CHST1: variants seen among roughly 807,000 people sequenced by gnomAD.
The protein encoded by CHST1 is Keratan sulfotransferase.
In CHST1, 10 loss-of-function variants were observed where a neutral mutation model predicts 22.5. The ratio of observed to expected loss-of-function variants is 0.44; its 90% CI spans 0.27 to 0.75. The LOEUF is 0.75. Among genes scored for constraint, CHST1 ranks in the 30% least tolerant of loss-of-function variants. CHST1 has a pLI of 0.15. For synonymous variants in CHST1, 267 were observed against 264.5 expected (o/e 1.01, Z -0.09); for missense variants, 439 against 576.1 (o/e 0.76, Z 2.44).
At chr11:45,654,564 C>A (rs1852037147) in intron 1 of CHST1, among the ~76,000 whole-genome samples, 1 of 152,256 alleles carries the variant, frequency 6.6e-6, no homozygotes, top group Non-Finnish European at 1.5e-5. Flanking sequence ...GGGCCAGGTC[C>A]TGTTGTTCCC....
chr11:45,653,444 C>G (rs1161925715), intron 1 of CHST1, among the ~76,000 whole-genome samples: 1 of 152,212 alleles, frequency 6.6e-6, no homozygotes, highest in Admixed American at 6.5e-5. Context: ...CCACCCCGAC[C>G]TCATCCCATA....
In CHST1 at chr11:45,649,943, G is replaced by C; in HGVS notation, c.981C>G (p.His327Gln). The C allele has an allele frequency of 1.2e-6, 2 of 1,613,358 alleles. No individual in the cohort carries two copies. The highest frequency in any genetic ancestry group is 1.7e-6 in the Non-Finnish European group (2 of 1,180,022). The part of the protein sequence containing the change: ...YGFLGIPLDS[H>Q]VARWIQNNTR... ...TGTTGTTCTGGATCCAGCGGGCCAC[G>C]TGGCTGTCCAGCGGGATGCCCAGGA... is the stretch of plus-strand genomic sequence containing the variant. Residue 327 changes from histidine (H) to glutamine (Q), a missense_variant, in exon 4 of 4, where the codon CAC (histidine) becomes CAG (glutamine). Coordinates refer to ENST00000308064, the MANE Select transcript of CHST1 (RefSeq NM_003654.6).
chr11:45,661,149 AT>A (rs1347434032), intron 1 of CHST1, among the ~76,000 whole-genome samples: 17 of 152,338 alleles, frequency 1.1e-4, no homozygotes, highest in Admixed American at 9.8e-4. Flanking sequence ...GCCTCGAGTA[AT>A]CTTACAAAAT....
Position 45,650,387 on chromosome 11 carries a change from C to G in CHST1, c.537G>C (p.Gly179=). The change falls in exon 4 of 4, where the codon GGG becomes GGC. Residue 179 remains glycine, a synonymous_variant. Transcript: ENST00000308064. Reference sequence around the variant, plus strand: ...GTAGCCCGCACTTGCGCACACAGTCCCCCTCCTCCAGGACCAGGTCGGCTG... The same window carrying G: ...GTAGCCCGCACTTGCGCACACAGTCGCCCTCCTCCAGGACCAGGTCGGCTG... ...PGPADLVLEE[G]DCVRKCGLLN... 1 of 1,604,536 alleles carries G rather than the reference C, an allele frequency of 6.2e-7. No individual in the cohort carries two copies. Among genetic ancestry groups the G allele is most frequent in the Non-Finnish European group, 8.5e-7 (1 of 1,179,734 alleles).
At chr11:45,659,140 G>A (rs1338912625) in intron 1 of CHST1, among the ~76,000 whole-genome samples, 1 of 152,174 alleles carries the variant, frequency 6.6e-6, no homozygotes, top group Non-Finnish European at 1.5e-5. Context: ...CTTCTGTCAG[G>A]GGATGCATCC....
chr11:45,659,852 C>T (rs1852107398), intron 1 of CHST1, among the ~76,000 whole-genome samples: 1 of 152,208 alleles, frequency 6.6e-6, no homozygotes, highest in Admixed American at 6.5e-5. Context: ...AATGGGGCAT[C>T]GGGTTTGGGC....
Position 45,650,536 on chromosome 11 carries a change from A to C in CHST1, c.388T>G (p.Cys130Gly). 1 of 1,613,930 alleles carries C rather than the reference A, an allele frequency of 6.2e-7. No individual in the cohort carries two copies. The highest frequency in any genetic ancestry group is 8.5e-7 in the Non-Finnish European group (1 of 1,179,968). Residue 130 changes from cysteine (C) to glycine (G), a missense_variant, in exon 4 of 4, where the codon TGC becomes GGC. Cys to Gly is a radical substitution (Grantham distance 159, BLOSUM62 -3). Coordinates refer to ENST00000308064, the MANE Select transcript of CHST1 (RefSeq NM_003654.6). ...SRDLLRSLYD[C>G]DLYFLENYIK... ...TAGTTCTCCAGGAAGTAGAGGTCGC[A>C]GTCGTAGAGGCTCCGCAGGAGGTCG... is the stretch of plus-strand genomic sequence containing the variant.
chr11:45,664,900 C>A (rs974957439), intron 1 of CHST1, among the ~76,000 whole-genome samples: 2 of 152,206 alleles, frequency 1.3e-5, no homozygotes, highest in Non-Finnish European at 2.9e-5. Flanking sequence ...GGGAGCCAAG[C>A]GCCTCGGGGG....
chr11:45,658,262 A>G (rs1852087032), intron 1 of CHST1, among the ~76,000 whole-genome samples: 1 of 152,214 alleles, frequency 6.6e-6, no homozygotes, highest in South Asian at 2.1e-4. Context: ...AGAAACAATC[A>G]CAGAATCTTT....
intron 1 of CHST1, among the ~76,000 whole-genome samples, chr11:45,661,374 C>T (rs538651509): frequency 9.5e-4 from 145 of 152,264 alleles, no homozygotes; most frequent in Non-Finnish European, 1.5e-3. Context: ...GTAAACAGTC[C>T]GTTAATGAAA....
intron 1 of CHST1, among the ~76,000 whole-genome samples, chr11:45,658,280 T>C (rs1273043178): frequency 6.6e-6 from 1 of 152,170 alleles, no homozygotes; most frequent in Non-Finnish European, 1.5e-5. Context: ...TTTCTAATAT[T>C]TGGGCAGTGA....
At position 45,649,819 on chromosome 11, in the gene CHST1, C is replaced by T; in HGVS notation, c.1105G>A (p.Val369Met). Residue 369 changes from valine to methionine, a missense_variant, in exon 4 of 4, where the codon GTG becomes ATG. Physicochemically the swap from Val to Met is conservative, Grantham distance 21. Transcript: ENST00000308064. ...TGGCAGGCGTTCTGGGCAAAGGCCA[C>T]GATGTCGTAGGAGAGGCGGAAGCGC... The part of the protein sequence containing the change: ...KWRFRLSYDI[V>M]AFAQNACQQV... The T allele has an allele frequency of 6.2e-7, 1 of 1,611,764 alleles. No individual in the cohort carries two copies. The highest frequency in any genetic ancestry group is 8.5e-7 in the Non-Finnish European group (1 of 1,179,934).
chr11:45,659,026 C>T (rs572875938), intron 1 of CHST1, among the ~76,000 whole-genome samples: 52 of 152,120 alleles, frequency 3.4e-4, no homozygotes, highest in Admixed American at 2.0e-3. Context: ...CCCGTGGGGA[C>T]GAGGACTGGG....
At chr11:45,659,613 A>G (rs1287194826) in intron 1 of CHST1, among the ~76,000 whole-genome samples, 7 of 152,076 alleles carry the variant, frequency 4.6e-5, no homozygotes. Flanking sequence ...CAGCTGAACG[A>G]CAAGAATGAA....
At chr11:45,662,908 TC>T (rs1275598025) in intron 1 of CHST1, among the ~76,000 whole-genome samples, 1 of 152,028 alleles carries the variant, frequency 6.6e-6, no homozygotes, top group African/African-American at 2.4e-5. Context: ...TGCCCACCCC[TC>T]ACAGTCCCCA....
Position 45,662,638 on chromosome 11 carries a change from T to C in CHST1, c.-227+2540A>G, listed in dbSNP as rs1254377284. ...AGGAATGATGCTTTGGAACACTTAC[T>C]ATGGCACCATTCTAAGTGTGTCTCA... is the stretch of plus-strand genomic sequence containing the variant. On this transcript the variant is annotated intron_variant, in intron 1 of 3. Coordinates refer to ENST00000308064, the MANE Select transcript of CHST1 (RefSeq NM_003654.6). Among the ~76,000 whole-genome samples, 4 of 152,330 alleles carry C rather than the reference T, an allele frequency of 2.6e-5. No individual in the cohort carries two copies. The East Asian group carries it at 7.7e-4, about 29-fold the overall frequency.
chr11:45,653,896 C>G (rs1852029195), intron 1 of CHST1, among the ~76,000 whole-genome samples: 1 of 152,156 alleles, frequency 6.6e-6, no homozygotes, highest in African/African-American at 2.4e-5. Context: ...GTCACAACCC[C>G]GTTTTACAGA....
At chr11:45,661,837 C>A (rs1852136777) in intron 1 of CHST1, among the ~76,000 whole-genome samples, 3 of 152,164 alleles carry the variant, frequency 2.0e-5, no homozygotes, top group Non-Finnish European at 4.4e-5. Context: ...GAGAGAAGGG[C>A]CGGTAAGGGA....
Position 45,649,395 on chromosome 11 carries a change from G to C in CHST1, c.*293C>G. 2.3e-6 allele frequency: 1 copy of C among 430,986 alleles called. No individual in the cohort carries two copies. Among genetic ancestry groups the C allele is most frequent in the Non-Finnish European group, 4.1e-6 (1 of 243,766 alleles). 26.7% of individuals were successfully genotyped at this position (430,986 alleles called of 1,614,324 possible). A position where few individuals can be genotyped will look rare whatever the true frequency, so the allele number is the denominator to read the frequency against. On this transcript the variant is annotated 3_prime_UTR_variant, in exon 4 of 4. Transcript: ENST00000308064. Reference sequence around the variant, plus strand: ...GTGCGTGTGTGGATGTGTAAATGTGGTGCTTGTAAACATTGTCACCGTCCG... The same window carrying C: ...GTGCGTGTGTGGATGTGTAAATGTGCTGCTTGTAAACATTGTCACCGTCCG...
Sources: allele counts gnomAD v4.1 joint callset (sites outside exome capture counted in the v4.1 genomes callset), GRCh38; gene constraint gnomAD v4.1.1; transcripts MANE v1.5; gene names NCBI Gene and HGNC (gene_info 2026-07-23, HGNC 2026-07-21).